KIF21B: variants seen among roughly 807,000 people sequenced by gnomAD.
KIF21B encodes kinesin family member 21B.
Under a neutral mutation model 192.9 loss-of-function variants are expected in KIF21B, and 85 were observed. That is an observed-to-expected ratio of 0.44 (90% CI 0.37 to 0.53). The LOEUF (loss-of-function observed/expected upper bound fraction) is 0.53. Ranked by LOEUF, KIF21B falls within the 20% of genes least tolerant of loss-of-function variation. The pLI, the probability that KIF21B is intolerant of heterozygous loss-of-function variation, is 0.00. For synonymous variants in KIF21B, 832 were observed against 884.6 expected (o/e 0.94, Z 1.05); for missense variants, 1,716 against 2,194.8 (o/e 0.78, Z 4.36).
At position 200,987,013 on chromosome 1, in the gene KIF21B, A is replaced by G; in HGVS notation, c.3597T>C (p.Pro1199=). Residue 1199 remains proline, a synonymous_variant, in exon 25 of 35, where the codon CCT becomes CCC. Transcript: ENST00000461742. ...ATCCTTACAAAGTGCTGCCCCGGGTAGGCAGACTGACGGTGCGCGAGACCC... is the reference window on the plus strand; with the variant it reads ...ATCCTTACAAAGTGCTGCCCCGGGTGGGCAGACTGACGGTGCGCGAGACCC... ...RDRVSRTVSL[P]TRGSTFPRQS... 2.5e-6 allele frequency: 4 copies of G among 1,614,128 alleles called. No homozygotes were observed. Among genetic ancestry groups the G allele is most frequent in the Middle Eastern group, 1.7e-4 (1 of 6,060 alleles).
At chr1:201,014,679 T>A (rs1658409630) in intron 1 of KIF21B, among the ~76,000 whole-genome samples, 2 of 152,152 alleles carry the variant, frequency 1.3e-5, no homozygotes, top group South Asian at 4.1e-4. Context: ...CTCCTAGGGG[T>A]TGGCTCAGCT....
Position 200,991,641 on chromosome 1 carries a change from C to G in KIF21B, c.2454+16G>C. On this transcript the variant is annotated intron_variant, in intron 17 of 34. Transcript: ENST00000461742. ...CAGCAGGGCCAGGGCCTCGCCAGCC[C>G]CTCGAGTGAGCTCACCTCCTGGGTC... is the stretch of plus-strand genomic sequence containing the variant. 3 of 1,613,432 alleles carry G rather than the reference C, an allele frequency of 1.9e-6. No individual in the cohort carries two copies. Among genetic ancestry groups the G allele is most frequent in the South Asian group, 2.2e-5 (2 of 91,060 alleles).
At position 200,975,634 on chromosome 1, in the gene KIF21B, G is replaced by A. The variant is rs143966011; in HGVS notation, c.4479C>T (p.Ile1493=). The A allele has an allele frequency of 9.3e-6, 15 of 1,613,474 alleles. No individual in the cohort carries two copies. The African/African-American group carries it at 1.1e-4, about 11-fold the overall frequency. The part of the protein sequence containing the change: ...FELGECVTGT[I]GPTHNFEPPH... ...GGGGCTCGAAGTTGTGAGTGGGGCC[G>A]ATGGTGCCCGTCACACACTCGCCCA... Residue 1493 remains isoleucine (I), a synonymous_variant, in exon 33 of 35, where the codon ATC becomes ATT. Transcript: ENST00000461742. This position sits in a 1 kb window ranked among gnomAD's most constrained non-coding sequence, Gnocchi z 4.3.
chr1:201,019,179 TGCCTCA>T (rs1658678182), intron 1 of KIF21B, among the ~76,000 whole-genome samples: 1 of 152,186 alleles, frequency 6.6e-6, no homozygotes, highest in Admixed American at 6.5e-5. Flanking sequence ...GTGATCCACC[TGCCTCA>T]GCCTCCCAAA....
intron 5 of KIF21B, 63 bp downstream of exon 5, chr1:201,005,245 T>C: frequency 6.6e-7 from 1 of 1,504,058 alleles, no homozygotes; most frequent in Non-Finnish European, 8.8e-7. Context: ...TGGCTCCTCA[T>C]CTTGCCCTTC....
intron 1 of KIF21B, among the ~76,000 whole-genome samples, chr1:201,022,375 C>T (rs2102491000): frequency 6.6e-6 from 1 of 152,288 alleles, no homozygotes; most frequent in South Asian, 2.1e-4. Context: ...CACATCCCTA[C>T]CTTGGTGAGC....
chr1:200,981,885 T>A (rs1172969590), intron 28 of KIF21B, among the ~76,000 whole-genome samples: 1 of 152,146 alleles, frequency 6.6e-6, no homozygotes, highest in Admixed American at 6.5e-5. Flanking sequence ...TCCAGCTTCC[T>A]GAGGTTCTGA....
rs1040513162 is a variant in KIF21B at position 200,995,475 on chromosome 1, T to C, written c.2277+721A>G. 1.9e-4 allele frequency among the ~76,000 whole-genome samples: 29 copies of C among 152,110 alleles called. 1 individual carries two copies. Among genetic ancestry groups the C allele is most frequent in the Non-Finnish European group, 4.4e-5 (3 of 68,010 alleles). On this transcript the variant is annotated intron_variant, in intron 15 of 34. Transcript: ENST00000461742. ...ACAGGAGCCAGAACACACCAGACAC[T>C]GGAAACACAAGACTTGAGCCCTGAA...
chr1:200,985,506 CCTGCCTCCCAGCAAGGCAGGTGGCA>C (rs1211119886), intron 26 of KIF21B, among the ~76,000 whole-genome samples: 3 of 152,050 alleles, frequency 2.0e-5, no homozygotes, highest in African/African-American at 7.2e-5. Context: ...AAAAAATCCT[CCTGCCTCCCAGCAAGGCAGGTGGCA>C]AGAGGCCATC....
chr1:200,984,447 G>A (rs1008874164), intron 27 of KIF21B, among the ~76,000 whole-genome samples: 2 of 152,178 alleles, frequency 1.3e-5, no homozygotes, highest in Non-Finnish European at 2.9e-5. Context: ...TTGGGGGTCT[G>A]GTCTCTTTCT....
Position 201,000,919 on chromosome 1 carries a change from C to T in KIF21B, c.1403-139G>A. On this transcript the variant is annotated intron_variant, in intron 9 of 34. Transcript: ENST00000461742. This position sits in a 1 kb window ranked among gnomAD's most constrained non-coding sequence, Gnocchi z 6.0. The stretch of plus-strand genomic sequence containing the variant: ...GGCTGGGAGTTCGAGACTAGCCTGA[C>T]CAACATGGAGAAACCCCGTCTCTAC... 2.5e-6 allele frequency: 2 copies of T among 787,400 alleles called. No individual in the cohort carries two copies. Among genetic ancestry groups the T allele is most frequent in the Non-Finnish European group, 4.3e-6 (2 of 461,532 alleles). 48.8% of individuals were successfully genotyped at this position (787,400 alleles called of 1,614,324 possible).
At chr1:200,989,205 A>G (rs1337203686) in intron 21 of KIF21B, among the ~76,000 whole-genome samples, 4 of 152,160 alleles carry the variant, frequency 2.6e-5, no homozygotes, top group Non-Finnish European at 5.9e-5. Context: ...GAGGCCCCAG[A>G]AGAAACCAGC....
intron 24 of KIF21B, among the ~76,000 whole-genome samples, chr1:200,987,414 A>AT (rs11414985): frequency 0.61 from 92,783 of 151,454 alleles, 30,677 homozygotes; most frequent in African/African-American, 0.87. Context: ...ATAATTAAAA[A>AT]TTTTTTTTCT....
At position 200,990,316 on chromosome 1, in the gene KIF21B, A is replaced by C; in HGVS notation, c.2852T>G (p.Phe951Cys). The C allele has an allele frequency of 6.2e-7, 1 of 1,611,266 alleles. No homozygotes were observed. The highest frequency in any genetic ancestry group is 8.5e-7 in the Non-Finnish European group (1 of 1,179,056). Residue 951 changes from phenylalanine (F) to cysteine (C), a missense_variant, in exon 20 of 35, where the codon TTC (phenylalanine) becomes TGC (cysteine). Coordinates refer to ENST00000461742, the MANE Select transcript of KIF21B (RefSeq NM_001252102.2). This position sits in a 1 kb window ranked among gnomAD's most constrained non-coding sequence, Gnocchi z 5.4. ...CCTCCGCAGTGCCTCCTGCAGGAGG[A>C]ACAGCTCCTCCCTTTTCTGGGGTCA... ...ERLIKKREELFLLQEALRRKR... is the reference protein window; with the variant it reads ...ERLIKKREELCLLQEALRRKR...
Position 201,023,375 on chromosome 1 carries a change from G to T in KIF21B, c.9C>A (p.Gly3=). The change falls in exon 1 of 35, where the codon GGC becomes GGA. Residue 3 remains glycine, a synonymous_variant. Coordinates refer to ENST00000461742, the MANE Select transcript of KIF21B (RefSeq NM_001252102.2). The surrounding 1 kb of genome is among the most constrained non-coding windows in gnomAD (Gnocchi z 5.9). MA[G]QGDCCVKVAV... Reference sequence around the variant, plus strand: ...CCACCTTGACGCAGCAGTCCCCCTGGCCGGCCATGGCCCTCTGGAGCTAGG... The same window carrying T: ...CCACCTTGACGCAGCAGTCCCCCTGTCCGGCCATGGCCCTCTGGAGCTAGG... 1 of 1,526,618 alleles carries T rather than the reference G, an allele frequency of 6.6e-7. No homozygotes were observed. 94.6% of individuals were successfully genotyped at this position (1,526,618 alleles called of 1,614,324 possible).
chr1:200,996,527 C>T (rs1373217604), intron 14 of KIF21B, 132 bp from the exon 15 acceptor site: 5 of 741,778 alleles, frequency 6.7e-6, no homozygotes, highest in Non-Finnish European at 9.0e-6. Context: ...TCACACCCCT[C>T]TCTGAGCCTG....
Position 200,988,362 on chromosome 1 carries a change from G to T in KIF21B, c.3351-9C>A, listed in dbSNP as rs1656439945. On this transcript the variant is annotated splice_polypyrimidine_tract_variant and intron_variant, in intron 23 of 34. Coordinates refer to ENST00000461742, the MANE Select transcript of KIF21B (RefSeq NM_001252102.2). The stretch of plus-strand genomic sequence containing the variant: ...TGAATGACTGGGAGAAGCTGAGGAA[G>T]AAGCAGAGAGAGTTCAGGATCCTGA... The T allele has an allele frequency of 6.2e-7, 1 of 1,614,166 alleles. No individual in the cohort carries two copies. Among genetic ancestry groups the T allele is most frequent in the Non-Finnish European group, 8.5e-7 (1 of 1,180,008 alleles).
intron 9 of KIF21B, among the ~76,000 whole-genome samples, chr1:201,001,074 T>G (rs925104019): frequency 2.2e-5 from 3 of 137,702 alleles, no homozygotes; most frequent in African/African-American, 8.4e-5. Context: ...ACCATTGCAC[T>G]CCAGCCTGGG....
chr1:200,997,842 T>A (rs11810823), intron 14 of KIF21B, among the ~76,000 whole-genome samples: 88,967 of 151,900 alleles, frequency 0.59, 27,881 homozygotes, highest in African/African-American at 0.82. Context: ...CACACTATAG[T>A]TTCTGCTCTT....
Sources: allele counts gnomAD v4.1 joint callset (sites outside exome capture counted in the v4.1 genomes callset), GRCh38; gene constraint gnomAD v4.1.1; non-coding constraint Gnocchi (gnomAD v3.1); transcripts MANE v1.5; gene names NCBI Gene and HGNC (gene_info 2026-07-23, HGNC 2026-07-21).